Variants in TDRP observed in about 807,000 individuals in gnomAD.
The protein encoded by TDRP is testis development-related protein.
A neutral mutation model predicts 10.5 loss-of-function variants in TDRP; 12 were observed. The observed-to-expected ratio is 1.15, with a 90% confidence interval of 0.73 to 1.86. TDRP has a LOEUF of 1.86. Ranked by LOEUF, TDRP falls within the 40% of genes most tolerant of loss-of-function variation. The pLI is 0.00. For synonymous variants in TDRP, 139 were observed against 95.4 expected, an observed-to-expected ratio of 1.46 and a Z score of -2.67; for missense variants, 353 against 229.2, an observed-to-expected ratio of 1.54 and a Z score of -3.49.
intron 1 of TDRP, among the ~76,000 whole-genome samples, chr8:535,355 A>C (rs1234008999): frequency 6.6e-6 from 1 of 152,106 alleles, no homozygotes; most frequent in Admixed American, 6.5e-5. Flanking sequence ...CAGAACTCCC[A>C]AAGCAGAAAC....
Position 544,675 on chromosome 8 carries a change from G to GCGT in TDRP, c.82_83insACG (p.Pro27_Ala28insAsp). 1.6e-6 allele frequency: 2 copies of GCGT among 1,244,666 alleles called. No individual in the cohort carries two copies. Among genetic ancestry groups the GCGT allele is most frequent in the Middle Eastern group, 2.6e-4 (1 of 3,804 alleles). The allele number at this position is 1,244,666 out of a possible 1,614,324, so 77.1% of individuals were successfully genotyped here. A position where few individuals can be genotyped will look rare whatever the true frequency, so the allele number is the denominator to read the frequency against. Reference sequence around the variant, plus strand: ...CTGCGCCTGGGCGGCGGCGGCGGCGGCCGGTGGCGGCCCCCCACGCAGGCC... The same window carrying GCGT: ...CTGCGCCTGGGCGGCGGCGGCGGCGGCGTCCGGTGGCGGCCCCCCACGCAGGCC... On this transcript the variant is annotated inframe_insertion, in exon 1 of 3. Transcript: ENST00000324079.
At chr8:541,200 A>G (rs1215606062) in intron 1 of TDRP, among the ~76,000 whole-genome samples, 2 of 152,266 alleles carry the variant, frequency 1.3e-5, no homozygotes, top group African/African-American at 4.8e-5. Context: ...AACTAAATTT[A>G]GAATAAGACT....
At chr8:502,788 A>G (rs1022534006) in intron 1 of TDRP, among the ~76,000 whole-genome samples, 2 of 151,700 alleles carry the variant, frequency 1.3e-5, no homozygotes, top group Non-Finnish European at 2.9e-5. Context: ...ATCCAGAGCC[A>G]TACACTGGAA....
intron 1 of TDRP, among the ~76,000 whole-genome samples, chr8:541,070 A>T (rs1426142041): frequency 6.6e-6 from 1 of 152,202 alleles, no homozygotes; most frequent in Admixed American, 6.5e-5. Context: ...CTCAACTTTA[A>T]AATTTTGTAG....
upstream of TDRP, chr8:545,528 G>A (rs950952298): frequency 3.9e-5 from 6 of 152,158 alleles, no homozygotes; most frequent in East Asian, 1.2e-3. Context: ...CGGGAGCGCA[G>A]TGCGCATGCG....
At position 491,658 on chromosome 8, in the gene TDRP, A is replaced by C; in HGVS notation, c.*741T>G. 6.5e-7 allele frequency: 1 copy of C among 1,527,094 alleles called. No individual in the cohort carries two copies. Among genetic ancestry groups the C allele is most frequent in the Non-Finnish European group, 8.7e-7 (1 of 1,144,220 alleles). The allele number at this position is 1,527,094 out of a possible 1,614,324, so 94.6% of individuals were successfully genotyped here. A position where few individuals can be genotyped will look rare whatever the true frequency, so the allele number is the denominator to read the frequency against. On this transcript the variant is annotated 3_prime_UTR_variant, in exon 3 of 3. Transcript: ENST00000324079. ...ATTATCAACTGACTAAAATTGATCCATACTTCTTTAATCTGTAAACAAAAA... is the reference window on the plus strand; with the variant it reads ...ATTATCAACTGACTAAAATTGATCCCTACTTCTTTAATCTGTAAACAAAAA...
At chr8:506,900 T>G (rs538975965) in intron 1 of TDRP, among the ~76,000 whole-genome samples, 2 of 152,262 alleles carry the variant, frequency 1.3e-5, no homozygotes, top group South Asian at 2.1e-4. Flanking sequence ...GAGTCTGTGG[T>G]GAAGTGCAAT....
At chr8:507,263 A>G (rs1417752417) in intron 1 of TDRP, among the ~76,000 whole-genome samples, 1 of 152,160 alleles carries the variant, frequency 6.6e-6, no homozygotes, top group African/African-American at 2.4e-5. Flanking sequence ...TGAGATTTGC[A>G]TGGGGACACA....
At chr8:502,205 C>G (rs1317078838) in intron 1 of TDRP, among the ~76,000 whole-genome samples, 2 of 152,242 alleles carry the variant, frequency 1.3e-5, no homozygotes, top group Admixed American at 1.3e-4. Flanking sequence ...TTCATCCCTT[C>G]TAAATTTGGG....
rs1226502487 is a variant in TDRP, at chr8:491,597, T to A, written c.*802A>T. On this transcript the variant is annotated 3_prime_UTR_variant, in exon 3 of 3. Transcript: ENST00000324079. ...TCAGTATTTTATGCACAGTCTTAAC[T>A]CTCTATAATGAGCAAGACAATGTTT... 1 of 1,528,458 alleles carries A rather than the reference T, an allele frequency of 6.5e-7. No homozygotes were observed. The highest frequency in any genetic ancestry group is 2.5e-5 in the East Asian group (1 of 40,740). 94.7% of individuals were successfully genotyped at this position (1,528,458 alleles called of 1,614,324 possible). A position where few individuals can be genotyped will look rare whatever the true frequency, so the allele number is the denominator to read the frequency against.
rs563172743 is a variant in TDRP at position 531,859 on chromosome 8, C to T, written c.108+12791G>A. Reference sequence around the variant, plus strand: ...TACAAGAAAACATTGAATCACACCACATATTATTTCAACCTAGTATTTTAT... The same window carrying T: ...TACAAGAAAACATTGAATCACACCATATATTATTTCAACCTAGTATTTTAT... On this transcript the variant is annotated intron_variant, in intron 1 of 2. Transcript: ENST00000324079. 2.0e-5 allele frequency among the ~76,000 whole-genome samples: 3 copies of T among 152,250 alleles called. No individual in the cohort carries two copies. In the South Asian group the frequency reaches 6.2e-4, roughly 32 times the overall value.
At position 490,470 on chromosome 8, in the gene TDRP, G is replaced by C. The variant is rs1041279567; in HGVS notation, c.*1929C>G. 5.9e-5 allele frequency: 9 copies of C among 152,234 alleles called. No homozygotes were observed. Among genetic ancestry groups the C allele is most frequent in the African/African-American group, 2.2e-4 (9 of 41,446 alleles). 9.4% of individuals were successfully genotyped at this position (152,234 alleles called of 1,614,324 possible). On this transcript the variant is annotated 3_prime_UTR_variant, in exon 3 of 3. Transcript: ENST00000324079. ...CAACTGCAGCCATCACAGCCACAGAGCTCCCCACAACATGGGAAGCGTCCC... is the reference window on the plus strand; with the variant it reads ...CAACTGCAGCCATCACAGCCACAGACCTCCCCACAACATGGGAAGCGTCCC...
At chr8:505,204 C>G (rs1242302652) in intron 1 of TDRP, among the ~76,000 whole-genome samples, 1 of 152,158 alleles carries the variant, frequency 6.6e-6, no homozygotes, top group African/African-American at 2.4e-5. Flanking sequence ...GCTATAGCCA[C>G]CCTTGGTACA....
upstream of TDRP, among the ~76,000 whole-genome samples, chr8:545,169 C>T (rs1003433190): frequency 7.0e-6 from 1 of 143,826 alleles, no homozygotes; most frequent in African/African-American, 2.6e-5. Context: ...ACCGCCCCGG[C>T]GAGACCCTCG....
At chr8:542,443 G>C (rs76512719) in intron 1 of TDRP, among the ~76,000 whole-genome samples, 21 of 152,112 alleles carry the variant, frequency 1.4e-4, no homozygotes, top group African/African-American at 4.6e-4. Flanking sequence ...TGATGATAGT[G>C]GGGGGCTGGG....
intron 1 of TDRP, among the ~76,000 whole-genome samples, chr8:512,273 CA>C (rs144049138): frequency 0.015 from 1,592 of 102,990 alleles, 11 homozygotes; most frequent in South Asian, 0.031. Flanking sequence ...ACAACAACAA[CA>C]AAAAAAAAAA....
chr8:524,031 C>A (rs1030998668), intron 1 of TDRP, among the ~76,000 whole-genome samples: 1 of 152,208 alleles, frequency 6.6e-6, no homozygotes, highest in Non-Finnish European at 1.5e-5. Flanking sequence ...TCTGAATCAG[C>A]ACAGTCCCAG....
chr8:528,292 C>T (rs753022732), intron 1 of TDRP, among the ~76,000 whole-genome samples: 2 of 152,052 alleles, frequency 1.3e-5, no homozygotes, highest in Admixed American at 6.6e-5. Flanking sequence ...AAAAGGAAAC[C>T]GTTGTACACT....
At chr8:510,135 G>C (rs1210442845) in intron 1 of TDRP, among the ~76,000 whole-genome samples, 2 of 152,194 alleles carry the variant, frequency 1.3e-5, no homozygotes, top group Non-Finnish European at 2.9e-5. Flanking sequence ...GCTCCACTAA[G>C]CTTCAGCATC....
Sources: allele counts gnomAD v4.1 joint callset (sites outside exome capture counted in the v4.1 genomes callset), GRCh38; gene constraint gnomAD v4.1.1; transcripts MANE v1.5; gene names NCBI Gene and HGNC (gene_info 2026-07-23, HGNC 2026-07-21).